ZNF775: variants seen among roughly 807,000 people sequenced by gnomAD.
ZNF775 encodes the protein zinc finger protein 775.
Under a neutral mutation model 2.4 loss-of-function variants are expected in ZNF775, and 1 was observed. The observed-to-expected ratio is 0.41, with a 90% CI of 0.15 to 1.94. The LOEUF (loss-of-function observed/expected upper bound fraction) is 1.94. Among genes scored for constraint, ZNF775 ranks in the 30% most tolerant of loss-of-function variants. The pLI, the probability that ZNF775 is intolerant of heterozygous loss-of-function variation, is 0.30. For missense variants in ZNF775, 823 were observed against 826.6 expected, an observed-to-expected ratio of 1.00 and a Z score of 0.05; for synonymous variants, 381 against 373.3, an observed-to-expected ratio of 1.02 and a Z score of -0.24.
intron 2 of ZNF775, among the ~76,000 whole-genome samples, chr7:150,395,355 G>A (rs924716233): frequency 2.0e-5 from 3 of 152,056 alleles, no homozygotes; most frequent in Non-Finnish European, 4.4e-5. Flanking sequence ...GGTTTGTAAC[G>A]TTGACGTCTG....
Position 150,387,535 on chromosome 7 carries a change from C to T in ZNF775, c.-49-887C>T, listed in dbSNP as rs534135884. On this transcript the variant is annotated intron_variant, in intron 1 of 2. Transcript: ENST00000329630. ...GGGCATAAAAACAAAAAAAGAAGGC[C>T]GGGCGCAGTGGCTCACGCCTGTAAT... is the stretch of plus-strand genomic sequence containing the variant. 2.9e-3 allele frequency among the ~76,000 whole-genome samples: 437 copies of T among 152,072 alleles called. 9 individuals carry two copies. Among genetic ancestry groups the T allele is most frequent in the Non-Finnish European group, 3.7e-3 (252 of 67,944 alleles).
Position 150,398,054 on chromosome 7 carries a change from C to A in ZNF775, c.1573C>A (p.Arg525Ser), listed in dbSNP as rs1335130868. The change falls in exon 3 of 3, where the codon CGC (arginine) becomes AGC (serine). Residue 525 changes from arginine to serine, a missense_variant. By Grantham distance (110) the Arg-to-Ser change is moderately radical. Coordinates refer to ENST00000329630, the MANE Select transcript of ZNF775 (RefSeq NM_173680.4). Reference sequence around the variant, plus strand: ...CCTGCTCAAGCACCAGCGCGTGCACCGCGCGGCCCCTGCGTGCAGCCCCAA... The same window carrying A: ...CCTGCTCAAGCACCAGCGCGTGCACAGCGCGGCCCCTGCGTGCAGCCCCAA... Reference protein sequence around the residue: ...QHLLKHQRVHRAAPACSPKEE... With the variant: ...QHLLKHQRVHSAAPACSPKEE... 6 of 1,566,436 alleles carry A rather than the reference C, an allele frequency of 3.8e-6. No homozygotes were observed. Among genetic ancestry groups the A allele is most frequent in the Non-Finnish European group, 5.2e-6 (6 of 1,161,180 alleles).
chr7:150,396,179 A>G (rs908009666), intron 2 of ZNF775, among the ~76,000 whole-genome samples: 2 of 152,108 alleles, frequency 1.3e-5, no homozygotes, highest in African/African-American at 4.8e-5. Flanking sequence ...CTCAGGGTGG[A>G]GAAGGCAGAG....
At chr7:150,387,164 G>A (rs921904194) in intron 1 of ZNF775, among the ~76,000 whole-genome samples, 6 of 151,860 alleles carry the variant, frequency 4.0e-5, no homozygotes, top group Admixed American at 1.3e-4. Flanking sequence ...GTGTGGTGGC[G>A]CACACCTGTA....
In ZNF775 at chr7:150,397,133, C is replaced by A; in HGVS notation, c.652C>A (p.Gln218Lys). 6.6e-7 allele frequency: 1 copy of A among 1,507,576 alleles called. No homozygotes were observed. 93.4% of individuals were successfully genotyped at this position (1,507,576 alleles called of 1,614,324 possible). A position where few individuals can be genotyped will look rare whatever the true frequency, so the allele number is the denominator to read the frequency against. The change falls in exon 3 of 3, where the codon CAG (glutamine) becomes AAG (lysine). Residue 218 changes from glutamine (Q) to lysine (K), a missense_variant. Transcript: ENST00000329630. ...IHQRAHARDR[Q>K]GSRAGLHELI... ...CCAGCGCGCGCACGCCCGGGACCGC[C>A]AGGGCTCCCGCGCCGGCCTGCACGA...
chr7:150,389,859 T>TTGTGTG (rs71196708), intron 2 of ZNF775, among the ~76,000 whole-genome samples: 6 of 138,756 alleles, frequency 4.3e-5, no homozygotes, highest in African/African-American at 1.7e-4. Flanking sequence ...TAATTTTTAT[T>TTGTGTG]TGTGTGTGTG....
chr7:150,391,697 C>CCTTT (rs1171901704), intron 2 of ZNF775, among the ~76,000 whole-genome samples: 4 of 106,064 alleles, frequency 3.8e-5, no homozygotes, highest in African/African-American at 1.4e-4. Context: ...ATTTCTTTTT[C>CCTTT]CTTTCTTTCT....
chr7:150,389,188 C>A (rs1321587979), intron 2 of ZNF775, among the ~76,000 whole-genome samples: 3 of 152,356 alleles, frequency 2.0e-5, no homozygotes, highest in African/African-American at 7.2e-5. Context: ...GAGTCCAGAG[C>A]ACACCGGCTA....
Position 150,397,181 on chromosome 7 carries a change from C to A in ZNF775, c.700C>A (p.Arg234Ser). 7.9e-7 allele frequency: 1 copy of A among 1,261,084 alleles called. No homozygotes were observed. The highest frequency in any genetic ancestry group is 1.0e-6 in the Non-Finnish European group (1 of 1,004,440). The allele number at this position is 1,261,084 out of a possible 1,614,324, so 78.1% of individuals were successfully genotyped here. Reference sequence around the variant, plus strand: ...CGAGCTGATTCAGGACGCGGCGGCGCGCCGGGCCTGTCGCCTGCAGCCGGG... The same window carrying A: ...CGAGCTGATTCAGGACGCGGCGGCGAGCCGGGCCTGTCGCCTGCAGCCGGG... ...LHELIQDAAA[R>S]RACRLQPGPP... is the part of the protein sequence containing the mutation. Residue 234 changes from arginine (R) to serine (S), a missense_variant, in exon 3 of 3, where the codon CGC (arginine) becomes AGC (serine). Physicochemically the swap from Arg to Ser is moderately radical, Grantham distance 110 (BLOSUM62 -1). Transcript: ENST00000329630.
At chr7:150,386,018 C>G (rs1800446869) in intron 1 of ZNF775, among the ~76,000 whole-genome samples, 1 of 152,158 alleles carries the variant, frequency 6.6e-6, no homozygotes, top group Non-Finnish European at 1.5e-5. Context: ...TCACTGCAAC[C>G]TCTGCCTCCT....
chr7:150,394,787 G>A (rs1256759704), intron 2 of ZNF775, among the ~76,000 whole-genome samples: 3 of 151,950 alleles, frequency 2.0e-5, no homozygotes, highest in Non-Finnish European at 4.4e-5. Context: ...TTTTAATAAG[G>A]TAATGTTATA....
At chr7:150,395,814 G>A (rs564767164) in intron 2 of ZNF775, among the ~76,000 whole-genome samples, 60 of 152,234 alleles carry the variant, frequency 3.9e-4, no homozygotes, top group Admixed American at 9.8e-4. Flanking sequence ...ACAAAGGGAA[G>A]GCGACACCTC....
rs780186523 is a variant in ZNF775 at position 150,397,975 on chromosome 7, C to G, written c.1494C>G (p.Gly498=). Residue 498 remains glycine, a synonymous_variant, in exon 3 of 3, where the codon GGC becomes GGG. Coordinates refer to ENST00000329630, the MANE Select transcript of ZNF775 (RefSeq NM_173680.4). The stretch of plus-strand genomic sequence containing the variant: ...CGCGGCACCGGCGCAACCACACAGG[C>G]GAGCGGCCCTACCTGTGTCCCGCCT... ...NLTRHRRNHT[G]ERPYLCPACG... 6.3e-7 allele frequency: 1 copy of G among 1,597,688 alleles called. No individual in the cohort carries two copies. The highest frequency in any genetic ancestry group is 1.1e-5 in the South Asian group (1 of 90,620).
intron 2 of ZNF775, among the ~76,000 whole-genome samples, chr7:150,388,896 CTTCAG>C (rs1268936384): frequency 4.6e-5 from 7 of 152,230 alleles, no homozygotes; most frequent in Non-Finnish European, 8.8e-5. Flanking sequence ...AGGACATTGT[CTTCAG>C]TTCAGTCCAT....
At chr7:150,381,337 A>G (rs577060477) in intron 1 of ZNF775, among the ~76,000 whole-genome samples, 70 of 152,174 alleles carry the variant, frequency 4.6e-4, no homozygotes, top group African/African-American at 1.4e-3. Flanking sequence ...GGATAAGGCA[A>G]GTGACCTGCT....
intron 2 of ZNF775, among the ~76,000 whole-genome samples, chr7:150,394,648 T>TCTCCCTCC (rs367790337): frequency 2.0e-5 from 3 of 147,386 alleles, no homozygotes; most frequent in African/African-American, 7.9e-5. Flanking sequence ...TCTCTCTCTC[T>TCTCCCTCC]CTCCCTCCCT....
At chr7:150,393,189 TGTA>T (rs1800590699) in intron 2 of ZNF775, among the ~76,000 whole-genome samples, 1 of 152,160 alleles carries the variant, frequency 6.6e-6, no homozygotes, top group South Asian at 2.1e-4. Flanking sequence ...AAATTCTCTC[TGTA>T]GTTTTGCCCT....
chr7:150,379,356 G>T lies in ZNF775; in HGVS notation c.-86G>T, dbSNP rs1800319470. The stretch of plus-strand genomic sequence containing the variant: ...GCCCGGTGCCCAAGTCGCCCTCGGG[G>T]TGGCAGTTCCCGTTAACCTTAGCCA... On this transcript the variant is annotated 5_prime_UTR_variant, in exon 1 of 3. Coordinates refer to ENST00000329630, the MANE Select transcript of ZNF775 (RefSeq NM_173680.4). 6.6e-6 allele frequency: 1 copy of T among 152,244 alleles called. No homozygotes were observed. Among genetic ancestry groups the T allele is most frequent in the African/African-American group, 2.4e-5 (1 of 41,470 alleles). The allele number at this position is 152,244 out of a possible 1,614,324, so 9.4% of individuals were successfully genotyped here.
At position 150,396,716 on chromosome 7, in the gene ZNF775, G is replaced by A; in HGVS notation, c.235G>A (p.Glu79Lys). Residue 79 changes from glutamate (E) to lysine (K), a missense_variant, in exon 3 of 3, where the codon GAG (glutamate) becomes AAG (lysine). By Grantham distance (56) the Glu-to-Lys change is moderately conservative (BLOSUM62 1). Coordinates refer to ENST00000329630, the MANE Select transcript of ZNF775 (RefSeq NM_173680.4). ...SGSPRWAPPT[E>K]QDAGLAGRAP... The stretch of plus-strand genomic sequence containing the variant: ...GAGTCCAAGGTGGGCCCCTCCCACT[G>A]AGCAGGATGCGGGGCTGGCAGGCCG... 1 of 1,599,756 alleles carries A rather than the reference G, an allele frequency of 6.3e-7. No individual in the cohort carries two copies. Among genetic ancestry groups the A allele is most frequent in the Admixed American group, 1.7e-5 (1 of 58,208 alleles).
Sources: allele counts gnomAD v4.1 joint callset (sites outside exome capture counted in the v4.1 genomes callset), GRCh38; gene constraint gnomAD v4.1.1; transcripts MANE v1.5; gene names NCBI Gene and HGNC (gene_info 2026-07-23, HGNC 2026-07-21).